Variants in PEX1 observed in about 807,000 individuals in gnomAD.
PEX1 encodes the protein peroxisomal biogenesis factor 1, also known as peroxisomal ATPase PEX1.
A neutral mutation model predicts 152.5 loss-of-function variants in PEX1; 97 were observed. That is an observed-to-expected ratio of 0.64 (90% CI 0.54 to 0.75). The LOEUF (loss-of-function observed/expected upper bound fraction) is 0.75, where lower values mean the gene tolerates loss of function less well. PEX1 is among the 30% of genes least tolerant of loss of function. PEX1 has a pLI of 0.00. For synonymous variants in PEX1, 485 were observed against 531.6 expected, an observed-to-expected ratio of 0.91 and a Z score of 1.21; for missense variants, 1,357 against 1,516.3, an observed-to-expected ratio of 0.89 and a Z score of 1.74.
intron 2 of PEX1, 64 bp from the exon 3 acceptor site, chr7:92,519,142 TAAG>T (rs1251379208): frequency 2.5e-5 from 22 of 891,366 alleles, no homozygotes; most frequent in African/African-American, 1.8e-4. Flanking sequence ...TATTAGAAAA[TAAG>T]AAGTTATCTT....
Position 92,493,110 on chromosome 7 carries a change from A to T in PEX1, c.3050T>A (p.Leu1017Ter). The T allele has an allele frequency of 6.2e-7, 1 of 1,605,272 alleles. No individual in the cohort carries two copies. Among genetic ancestry groups the T allele is most frequent in the Non-Finnish European group, 8.5e-7 (1 of 1,174,022 alleles). Residue 1017 changes from leucine to a stop codon, truncating the protein, a stop_gained, in exon 20 of 24, where the codon TTA (leucine) becomes TAA (stop). Coordinates refer to ENST00000248633, the MANE Select transcript of PEX1 (RefSeq NM_000466.3). LOFTEE classifies it high-confidence loss of function. ...AGGTAGAGAGTCACTGAGGACATTTAAAATTTCAAGACGTGACACCTGAAA... is the reference window on the plus strand; with the variant it reads ...AGGTAGAGAGTCACTGAGGACATTTTAAATTTCAAGACGTGACACCTGAAA... ...PPDQVSRLEI[L>*]NVLSDSLPLA...
At chr7:92,495,955 T>G (rs1397210507) in intron 17 of PEX1, among the ~76,000 whole-genome samples, 1 of 152,142 alleles carries the variant, frequency 6.6e-6, no homozygotes, top group Non-Finnish European at 1.5e-5. Flanking sequence ...TTGCAACATC[T>G]AACAATTTTA....
intron 3 of PEX1, among the ~76,000 whole-genome samples, chr7:92,518,711 T>C (rs921907299): frequency 1.3e-5 from 2 of 151,984 alleles, no homozygotes; most frequent in Non-Finnish European, 2.9e-5. Flanking sequence ...CTGGGACTAA[T>C]GGCATGCACT....
Position 92,501,306 on chromosome 7 carries a change from G to C in PEX1, c.2583+201C>G, listed in dbSNP as rs60748060. ...ACTCCAGCCTAGATGACAGAGTGAG[G>C]TCTCAATTCTAATAAAAAATTAATT... On this transcript the variant is annotated intron_variant, in intron 15 of 23. Transcript: ENST00000248633. Among the ~76,000 whole-genome samples, 260 of 152,198 alleles carry C rather than the reference G, an allele frequency of 1.7e-3. 4 individuals are homozygous for C. The East Asian group carries it at 0.044, about 26-fold the overall frequency.
At chr7:92,492,914 A>C (rs1241392985) in intron 20 of PEX1, 39 bp downstream of exon 20, 27 of 1,495,148 alleles carry the variant, frequency 1.8e-5, no homozygotes, top group Non-Finnish European at 2.5e-5. Context: ...TTCTTTTATC[A>C]CTCATAAAAT....
Position 92,519,026 on chromosome 7 carries a change from T to A in PEX1, c.326A>T (p.Glu109Val). The A allele has an allele frequency of 6.2e-7, 1 of 1,612,090 alleles. No homozygotes were observed. Among genetic ancestry groups the A allele is most frequent in the Non-Finnish European group, 8.5e-7 (1 of 1,178,204 alleles). The change falls in exon 3 of 24, where the codon GAA becomes GTA. Residue 109 changes from glutamate to valine, a missense_variant. Physicochemically the swap from Glu to Val is moderately radical, Grantham distance 121 (BLOSUM62 -2). Coordinates refer to ENST00000248633, the MANE Select transcript of PEX1 (RefSeq NM_000466.3). ...CTCCCAATCATCTGCTGAGAGGGGTTCCACCTCAACTTGTTGACAAGATAC... is the reference window on the plus strand; with the variant it reads ...CTCCCAATCATCTGCTGAGAGGGGTACCACCTCAACTTGTTGACAAGATAC... ...HVVSCQQVEV[E>V]PLSADDWEIL...
Position 92,506,990 on chromosome 7 carries a change from T to C in PEX1, c.1803+4A>G. 1.2e-6 allele frequency: 2 copies of C among 1,613,976 alleles called. No individual in the cohort carries two copies. Among genetic ancestry groups the C allele is most frequent in the Non-Finnish European group, 1.7e-6 (2 of 1,179,900 alleles). On this transcript the variant is annotated splice_donor_region_variant and intron_variant, in intron 10 of 23. Transcript: ENST00000248633. ...AGAAAAATGAACACACCTTAACCAC[T>C]TACCTTTCCTCCTGTGAGTAAAAGA...
chr7:92,525,066 C>T (rs7783591), intron 1 of PEX1, among the ~76,000 whole-genome samples: 4 of 152,154 alleles, frequency 2.6e-5, no homozygotes, highest in African/African-American at 7.2e-5. Flanking sequence ...AAAGTAGTAA[C>T]CAGCTCCATA....
intron 17 of PEX1, 37 bp from the exon 18 acceptor site, chr7:92,494,666 G>T (rs1291736508): frequency 1.2e-6 from 2 of 1,605,252 alleles, no homozygotes; most frequent in South Asian, 1.1e-5. Flanking sequence ...TTTGAATCAG[G>T]CTTCATAGTT....
intron 6 of PEX1, 80 bp downstream of exon 6, chr7:92,513,768 C>A: frequency 9.6e-7 from 1 of 1,037,974 alleles, no homozygotes; most frequent in Non-Finnish European, 1.5e-6. Flanking sequence ...ATACAACATT[C>A]TTATTACTTA....
At chr7:92,488,327 CTTT>C (rs1791050035) in intron 23 of PEX1, among the ~76,000 whole-genome samples, 2 of 152,114 alleles carry the variant, frequency 1.3e-5, no homozygotes, top group Non-Finnish European at 2.9e-5. Flanking sequence ...TCTGATTCTT[CTTT>C]AATAAATACA....
At chr7:92,491,142 G>A in intron 21 of PEX1, 130 bp downstream of exon 21, 1 of 675,344 alleles carries the variant, frequency 1.5e-6, no homozygotes, top group Non-Finnish European at 2.7e-6. Context: ...CAAGAAACAA[G>A]ACTATTTTAC....
intron 1 of PEX1, among the ~76,000 whole-genome samples, chr7:92,525,972 T>A (rs1793247906): frequency 6.6e-6 from 1 of 152,078 alleles, no homozygotes; most frequent in Non-Finnish European, 1.5e-5. Context: ...AAGAATGGCA[T>A]GAGTAAGAGA....
chr7:92,493,094 G>A lies in PEX1; in HGVS notation c.3066C>T (p.Asp1022=). 6.2e-7 allele frequency: 1 copy of A among 1,610,888 alleles called. No homozygotes were observed. Among genetic ancestry groups the A allele is most frequent in the Non-Finnish European group, 8.5e-7 (1 of 1,177,606 alleles). Residue 1022 remains aspartate, a synonymous_variant, in exon 20 of 24, where the codon GAC becomes GAT. Coordinates refer to ENST00000248633, the MANE Select transcript of PEX1 (RefSeq NM_000466.3). Reference sequence around the variant, plus strand: ...CAACATCATCTGCCAGAGGTAGAGAGTCACTGAGGACATTTAAAATTTCAA... The same window carrying A: ...CAACATCATCTGCCAGAGGTAGAGAATCACTGAGGACATTTAAAATTTCAA... The part of the protein sequence containing the change: ...SRLEILNVLS[D]SLPLADDVDL...
chr7:92,511,626 AG>A lies in PEX1; in HGVS notation c.1436del (p.Pro479LeufsTer3). ...WLQQSTTTML[P>X]LVISEEEFIK... is the part of the protein sequence containing the mutation. ...TAAATTCTTCCTCTGATATTACCAA[AG>A]GAAGCATGGTGGTAGTAGACTGCTG... On this transcript the variant is annotated frameshift_variant, in exon 7 of 24. Coordinates refer to ENST00000248633, the MANE Select transcript of PEX1 (RefSeq NM_000466.3). LOFTEE classifies it high-confidence loss of function. 6.2e-7 allele frequency: 1 copy of A among 1,612,142 alleles called. No individual in the cohort carries two copies. The highest frequency in any genetic ancestry group is 1.3e-5 in the African/African-American group (1 of 75,030).
intron 20 of PEX1, chr7:92,491,706 A>G: frequency 1.9e-6 from 1 of 529,028 alleles, no homozygotes. Flanking sequence ...GAATGTGTAG[A>G]TAATTTACCA....
intron 5 of PEX1, among the ~76,000 whole-genome samples, chr7:92,516,048 G>GAGAA (rs1792737378): frequency 7.6e-5 from 7 of 92,018 alleles, no homozygotes; most frequent in African/African-American, 3.3e-4. Flanking sequence ...GAAGAGAAGA[G>GAGAA]AAGAGAAAAA....
At chr7:92,502,459 T>G (rs371524538) in intron 13 of PEX1, among the ~76,000 whole-genome samples, 14 of 151,718 alleles carry the variant, frequency 9.2e-5, no homozygotes, top group African/African-American at 3.1e-4. Flanking sequence ...CCTTTAAGAA[T>G]TTTTTTTTGG....
chr7:92,497,419 G>T (rs1791703775), intron 16 of PEX1, among the ~76,000 whole-genome samples: 1 of 142,424 alleles, frequency 7.0e-6, no homozygotes, highest in Admixed American at 7.1e-5. Context: ...AGGAGTTAAA[G>T]AATATATCAT....
Sources: gnomAD v4.1 joint callset for allele counts (sites outside exome capture counted in the v4.1 genomes callset) on GRCh38, gnomAD v4.1.1 for gene constraint, MANE v1.5 for transcripts, NCBI Gene and HGNC (gene_info 2026-07-23, HGNC 2026-07-21) for gene names.